NEAT1: variants seen among roughly 807,000 people sequenced by gnomAD.
NEAT1 encodes MENepsilon/beta.
At chr11:65,445,388 G>T (rs1856757072) in exon 1 of NEAT1, 1 of 152,348 alleles carries the variant, frequency 6.6e-6, no homozygotes, top group South Asian at 2.1e-4. Flanking sequence ...CCTTTACAAG[G>T]GAAGTAAGGA....
At chr11:65,443,837 A>G (rs933163085) in exon 1 of NEAT1, 5 of 152,984 alleles carry the variant, frequency 3.3e-5, no homozygotes, top group Non-Finnish European at 5.8e-5. Context: ...GGCTGAGTGC[A>G]GTGGTTCCTG....
At chr11:65,434,727 C>T (rs1342960775) in exon 1 of NEAT1, 3 of 151,948 alleles carry the variant, frequency 2.0e-5, no homozygotes, top group African/African-American at 7.3e-5. Context: ...CATTTTTCTC[C>T]ATTCTGCCCT....
At chr11:65,429,742 C>T (rs1000889900) in exon 1 of NEAT1, 4 of 145,412 alleles carry the variant, frequency 2.8e-5, no homozygotes, top group African/African-American at 1.0e-4. Context: ...TCTTTTCCAC[C>T]CCAAGAGTAC....
At chr11:65,428,724 C>T (rs1856585825) in exon 1 of NEAT1, 1 of 152,130 alleles carries the variant, frequency 6.6e-6, no homozygotes, top group Admixed American at 6.6e-5. Flanking sequence ...GCATCCCCTC[C>T]AGCACCTTTC....
exon 1 of NEAT1, chr11:65,435,641 G>A (rs1159560330): frequency 6.6e-6 from 1 of 152,110 alleles, no homozygotes; most frequent in Non-Finnish European, 1.5e-5. Flanking sequence ...TCTGGCTCTT[G>A]GCACATCTGG....
chr11:65,429,721 T>C (rs1018350575), exon 1 of NEAT1: 4 of 152,190 alleles, frequency 2.6e-5, no homozygotes, highest in African/African-American at 4.8e-5. Context: ...TCTGAACTTG[T>C]TATGTGTAGA....
exon 1 of NEAT1, chr11:65,429,989 GT>G (rs1412478186): frequency 6.6e-6 from 1 of 152,276 alleles, no homozygotes; most frequent in African/African-American, 2.4e-5. Flanking sequence ...TGGGCCCCTG[GT>G]TGTTGCTTGT....
At chr11:65,440,210 A>G (rs889593160) in exon 1 of NEAT1, 1 of 151,842 alleles carries the variant, frequency 6.6e-6, no homozygotes, top group African/African-American at 2.4e-5. Context: ...TCATCTGATG[A>G]TGAACTTAAT....
exon 1 of NEAT1, chr11:65,444,783 GC>G (rs774442160): frequency 1.8e-5 from 5 of 278,494 alleles, no homozygotes; most frequent in Non-Finnish European, 3.6e-5. Context: ...GGCTGGTGGG[GC>G]CCTGTGCTTC....
chr11:65,433,361 C>A lies in NEAT1; in HGVS notation n.10564C>A, dbSNP rs184482711. On this transcript the variant is annotated non_coding_transcript_exon_variant, in exon 1 of 1. Coordinates refer to ENST00000501122, the Ensembl canonical transcript of NEAT1. The stretch of plus-strand genomic sequence containing the variant: ...TGCTTTAAAATCTGGTAAATGGAGG[C>A]TAGAACACTCCTGTAAGGCAAGAAT... 2.6e-5 allele frequency: 4 copies of A among 152,226 alleles called. No individual in the cohort carries two copies. The East Asian group carries it at 7.7e-4, about 29-fold the overall frequency. 9.4% of individuals were successfully genotyped at this position (152,226 alleles called of 1,614,324 possible).
chr11:65,431,846 T>C (rs1415529403), exon 1 of NEAT1: 1 of 152,230 alleles, frequency 6.6e-6, no homozygotes, highest in Non-Finnish European at 1.5e-5. Context: ...TTTGCAAATA[T>C]CTTCTCTTAT....
chr11:65,441,991 G>T (rs570301102), exon 1 of NEAT1: 2 of 152,376 alleles, frequency 1.3e-5, no homozygotes, highest in East Asian at 1.9e-4. Context: ...GGCGTGCAGT[G>T]TCTGTAAGGG....
exon 1 of NEAT1, chr11:65,438,342 G>A (rs1282748623): frequency 1.3e-5 from 2 of 151,558 alleles, no homozygotes; most frequent in Non-Finnish European, 3.0e-5. Context: ...ATTTATGATG[G>A]TAATATTGTT....
At chr11:65,426,870 AT>A (rs537787561) in exon 1 of NEAT1, 19 of 152,156 alleles carry the variant, frequency 1.2e-4, no homozygotes, top group Non-Finnish European at 2.6e-4. Flanking sequence ...AGTGGTACTT[AT>A]TTTTGTTTGG....
exon 1 of NEAT1, chr11:65,424,827 A>G (rs906583233): frequency 6.6e-6 from 1 of 152,132 alleles, no homozygotes; most frequent in Non-Finnish European, 1.5e-5. Flanking sequence ...GTTAGATTTC[A>G]TAATACTTTC....
exon 1 of NEAT1, chr11:65,423,702 C>T (rs1856527140): frequency 6.6e-6 from 1 of 152,418 alleles, no homozygotes; most frequent in South Asian, 2.1e-4. Flanking sequence ...ACCCCTTCTT[C>T]CTCCCTTTAA....
chr11:65,425,950 G>A (rs1208206091), exon 1 of NEAT1: 1 of 152,108 alleles, frequency 6.6e-6, no homozygotes, highest in Non-Finnish European at 1.5e-5. Flanking sequence ...TTGAATGTTT[G>A]TGCTTTTTAA....
exon 1 of NEAT1, chr11:65,430,530 G>A (rs1034166543): frequency 6.6e-6 from 1 of 152,192 alleles, no homozygotes; most frequent in Non-Finnish European, 1.5e-5. Context: ...TCTGTGGAAA[G>A]CATAACTTTC....
chr11:65,432,345 T>C (rs1856620496), exon 1 of NEAT1: 1 of 152,214 alleles, frequency 6.6e-6, no homozygotes, highest in Non-Finnish European at 1.5e-5. Flanking sequence ...TTGCCACTTA[T>C]GATTGTAAAC....
Sources: gnomAD v4.1 joint callset for allele counts on GRCh38, gnomAD v4.1.1 for gene constraint, MANE v1.5 for transcripts, NCBI Gene and HGNC (gene_info 2026-07-23, HGNC 2026-07-21) for gene names.